KIAA1328: variants seen among roughly 807,000 people sequenced by gnomAD.
KIAA1328 encodes the protein protein hinderin.
Under a neutral mutation model 68.1 loss-of-function variants are expected in KIAA1328, and 52 were observed. That is an observed-to-expected ratio of 0.76 (90% CI 0.61 to 0.96). The LOEUF (loss-of-function observed/expected upper bound fraction) is 0.96, where lower values mean the gene tolerates loss of function less well. Among genes scored for constraint, KIAA1328 ranks in the 40% least tolerant of loss-of-function variants. KIAA1328 has a pLI of 0.00. For missense variants in KIAA1328, 641 were observed against 677.6 expected (o/e 0.95, Z 0.60); for synonymous variants, 232 against 239.4 (o/e 0.97, Z 0.28).
intron 6 of KIAA1328, among the ~76,000 whole-genome samples, chr18:36,976,769 C>A (rs1326858658): frequency 6.6e-6 from 1 of 152,094 alleles, no homozygotes; most frequent in East Asian, 1.9e-4. Flanking sequence ...TTCCTTCCAG[C>A]TCTAACTTTG....
chr18:36,836,637 G>T (rs2046683725), intron 3 of KIAA1328, among the ~76,000 whole-genome samples: 1 of 151,748 alleles, frequency 6.6e-6, no homozygotes, highest in East Asian at 1.9e-4. Flanking sequence ...GATATAATTT[G>T]CATATAAAAT....
chr18:36,949,597 T>TCCCCCCCCCCCCCCCCCCCCCC (rs71168248), intron 5 of KIAA1328, among the ~76,000 whole-genome samples: 2 of 57,360 alleles, frequency 3.5e-5, no homozygotes, highest in African/African-American at 6.6e-5. Flanking sequence ...TCTACCCAGC[T>TCCCCCCCCCCCCCCCCCCCCCC]CCCCCCCCCC....
chr18:36,861,660 G>A (rs576242283), intron 4 of KIAA1328, among the ~76,000 whole-genome samples: 45 of 151,998 alleles, frequency 3.0e-4, no homozygotes, highest in African/African-American at 9.9e-4. Flanking sequence ...TCAGACTCAT[G>A]GATATTTATT....
At chr18:36,862,022 T>A (rs1371373834) in intron 4 of KIAA1328, among the ~76,000 whole-genome samples, 1 of 152,176 alleles carries the variant, frequency 6.6e-6, no homozygotes, top group Non-Finnish European at 1.5e-5. Flanking sequence ...TGAAATAAGA[T>A]GTTACTTTAA....
At chr18:37,051,316 A>G (rs2055685657) in intron 6 of KIAA1328, among the ~76,000 whole-genome samples, 1 of 152,176 alleles carries the variant, frequency 6.6e-6, no homozygotes, top group African/African-American at 2.4e-5. Context: ...TGCTAGATTA[A>G]TAAGGAAAAA....
intron 6 of KIAA1328, among the ~76,000 whole-genome samples, chr18:37,004,250 C>G (rs2053693306): frequency 6.6e-6 from 1 of 151,866 alleles, no homozygotes; most frequent in African/African-American, 2.4e-5. Context: ...TTTGTGTCAT[C>G]TATGATTTCT....
In KIAA1328 at chr18:37,120,428, A is replaced by G. The variant is rs563021988; in HGVS notation, c.1233-39772A>G. Among the ~76,000 whole-genome samples, 3 of 152,302 alleles carry G rather than the reference A, an allele frequency of 2.0e-5. No individual in the cohort carries two copies. The East Asian group carries it at 5.8e-4, about 29-fold the overall frequency. On this transcript the variant is annotated intron_variant, in intron 7 of 9. Coordinates refer to ENST00000280020, the MANE Select transcript of KIAA1328 (RefSeq NM_020776.3). ...GGCTGAGATGGAATGGTGAAAAAAA[A>G]ATCAACTTGACCTTATAGGAAAGAA...
At chr18:37,000,496 T>A (rs926506440) in intron 6 of KIAA1328, among the ~76,000 whole-genome samples, 3 of 152,040 alleles carry the variant, frequency 2.0e-5, no homozygotes, top group African/African-American at 7.2e-5. Flanking sequence ...GGCCTTTAGA[T>A]CATGTGGACC....
At chr18:36,905,632 G>C (rs1460220183) in intron 5 of KIAA1328, among the ~76,000 whole-genome samples, 2 of 152,048 alleles carry the variant, frequency 1.3e-5, no homozygotes, top group African/African-American at 4.8e-5. Flanking sequence ...TCATTATACT[G>C]TCATTTCTAC....
At chr18:36,917,021 A>C (rs1471033123) in intron 5 of KIAA1328, among the ~76,000 whole-genome samples, 1 of 152,152 alleles carries the variant, frequency 6.6e-6, no homozygotes, top group Non-Finnish European at 1.5e-5. Flanking sequence ...AAACAAAAAA[A>C]ATCTTAGCAT....
rs1009194783 is a variant in KIAA1328 at position 36,953,097 on chromosome 18, A to G, written c.449-6211A>G. Among the ~76,000 whole-genome samples, 53 of 151,450 alleles carry G rather than the reference A, an allele frequency of 3.5e-4. 1 individual carries two copies. The highest frequency in any genetic ancestry group is 1.3e-3 in the African/African-American group (52 of 41,362). ...GGCATTGAAACACTGTGTACCTTCT[A>G]CCTAGATTTCAGTGGTTGGCATTGC... On this transcript the variant is annotated intron_variant, in intron 5 of 9. Transcript: ENST00000280020.
chr18:37,105,056 T>C (rs543880948), intron 7 of KIAA1328, among the ~76,000 whole-genome samples: 2 of 152,336 alleles, frequency 1.3e-5, no homozygotes, highest in South Asian at 4.1e-4. Flanking sequence ...CCTAAAGAAT[T>C]GCTCGGGCAA....
chr18:37,092,926 A>G (rs1420298077), intron 7 of KIAA1328, among the ~76,000 whole-genome samples: 1 of 152,130 alleles, frequency 6.6e-6, no homozygotes, highest in Non-Finnish European at 1.5e-5. Flanking sequence ...TGCCTGAATA[A>G]ATCAATGGGG....
intron 6 of KIAA1328, among the ~76,000 whole-genome samples, chr18:37,063,819 G>A (rs1021912761): frequency 2.0e-5 from 3 of 151,944 alleles, no homozygotes; most frequent in African/African-American, 7.3e-5. Flanking sequence ...ACCTAAAAAT[G>A]GACATATGTA....
At chr18:36,973,854 T>C (rs997152893) in intron 6 of KIAA1328, among the ~76,000 whole-genome samples, 6 of 49,914 alleles carry the variant, frequency 1.2e-4, no homozygotes, top group African/African-American at 1.8e-4. Flanking sequence ...CACACACATA[T>C]ATATCTTCAA....
At chr18:37,053,179 T>G (rs1251936830) in intron 6 of KIAA1328, among the ~76,000 whole-genome samples, 3 of 151,982 alleles carry the variant, frequency 2.0e-5, no homozygotes, top group African/African-American at 7.2e-5. Context: ...AGAAATAAGG[T>G]AGCACATCTA....
At chr18:37,145,052 T>C (rs2058863962) in intron 7 of KIAA1328, among the ~76,000 whole-genome samples, 1 of 151,910 alleles carries the variant, frequency 6.6e-6, no homozygotes, top group African/African-American at 2.4e-5. Context: ...CTGGGCAACG[T>C]GGTGAAAACC....
In KIAA1328 at chr18:36,987,300, A is replaced by T. The variant is rs1245047999; in HGVS notation, c.576+27865A>T. ...AATTGAACAATGAGATCACATGGAC[A>T]CAGGAAGGGGAATATCACACTCTGG... On this transcript the variant is annotated intron_variant, in intron 6 of 9. Transcript: ENST00000280020. Among the ~76,000 whole-genome samples, 5 of 136,702 alleles carry T rather than the reference A, an allele frequency of 3.7e-5. No homozygotes were observed. The South Asian group carries it at 7.9e-4, about 22-fold the overall frequency. The allele number at this position is 136,702 out of a possible 152,430, so 89.7% of individuals were successfully genotyped here.
At chr18:37,138,556 C>T (rs954855547) in intron 7 of KIAA1328, among the ~76,000 whole-genome samples, 7 of 152,288 alleles carry the variant, frequency 4.6e-5, no homozygotes, top group Middle Eastern at 3.4e-3. Context: ...ATGCCAGTGT[C>T]TTTGCATAAT....
Sources: allele counts gnomAD v4.1 joint callset (sites outside exome capture counted in the v4.1 genomes callset), GRCh38; gene constraint gnomAD v4.1.1; transcripts MANE v1.5; gene names NCBI Gene and HGNC (gene_info 2026-07-23, HGNC 2026-07-21).